The following RGS6 variants were observed in gnomAD, a reference collection of about 807,000 sequenced individuals.
The protein encoded by RGS6 is regulator of G protein signaling 6, also known as regulator of G-protein signaling 6.
In RGS6, 30 loss-of-function variants were observed where a neutral mutation model predicts 78.5. The observed-to-expected ratio is 0.38, with a 90% CI of 0.29 to 0.52. The LOEUF (loss-of-function observed/expected upper bound fraction) is 0.52. Ranked by LOEUF, RGS6 falls within the 20% of genes least tolerant of loss-of-function variation. The probability of loss-of-function intolerance (pLI) is 0.85; values close to 1 mark genes in which losing one functional copy is unlikely to be tolerated. For missense variants in RGS6, 495 were observed against 609.7 expected (o/e 0.81, Z 1.98); for synonymous variants, 206 against 206.0 (o/e 1.00, Z 0.00).
intron 3 of RGS6, among the ~76,000 whole-genome samples, chr14:72,424,513 G>A (rs2094348175): frequency 6.6e-6 from 1 of 152,034 alleles, no homozygotes. Flanking sequence ...TCTTAAAGGA[G>A]GTATAATTCT....
At chr14:72,416,835 T>G (rs1440466833) in intron 3 of RGS6, among the ~76,000 whole-genome samples, 3 of 152,240 alleles carry the variant, frequency 2.0e-5, no homozygotes, top group Non-Finnish European at 2.9e-5. Flanking sequence ...TATGTGATTT[T>G]GGGCCAGTTT....
At chr14:71,959,580 C>T (rs1376533810) in intron 1 of RGS6, among the ~76,000 whole-genome samples, 1 of 151,996 alleles carries the variant, frequency 6.6e-6, no homozygotes, top group South Asian at 2.1e-4. Flanking sequence ...ATTTCAGTGA[C>T]ATTGTAGGGT....
intron 2 of RGS6, among the ~76,000 whole-genome samples, chr14:72,264,281 T>G (rs940046589): frequency 2.6e-5 from 4 of 152,202 alleles, no homozygotes; most frequent in African/African-American, 9.7e-5. Context: ...AATTTAAAAC[T>G]TAAGAAACAT....
intron 2 of RGS6, among the ~76,000 whole-genome samples, chr14:72,331,569 T>G (rs1177185360): frequency 6.6e-6 from 1 of 152,176 alleles, no homozygotes. Flanking sequence ...CCAGGGTCCC[T>G]TTGAGACCGC....
the RGS6 span, among the ~76,000 whole-genome samples, chr14:72,600,836 G>A: frequency 2.0e-5 from 3 of 151,920 alleles, no homozygotes; most frequent in Non-Finnish European, 2.9e-5. Flanking sequence ...CTCCCCTGCC[G>A]CATCCCCACC....
In RGS6 at chr14:72,058,539, A is replaced by G. The variant is rs72737848; in HGVS notation, c.84+93664A>G. On this transcript the variant is annotated intron_variant, in intron 2 of 17. Transcript: ENST00000553525. ...TTTTTGTCTACTGTTATTTAAGAGT[A>G]TCATAAAACCTGAGAAAGAAAAACA... Among the ~76,000 whole-genome samples, 900 of 152,058 alleles carry G rather than the reference A, an allele frequency of 5.9e-3. 4 individuals carry two copies. Among genetic ancestry groups the G allele is most frequent in the Non-Finnish European group, 9.2e-3 (625 of 67,978 alleles).
chr14:72,104,516 G>A (rs898479960), intron 2 of RGS6, among the ~76,000 whole-genome samples: 3 of 152,126 alleles, frequency 2.0e-5, no homozygotes, highest in Non-Finnish European at 4.4e-5. Context: ...TAAAACTTCA[G>A]AATTTCAAAA....
At chr14:72,179,732 T>G (rs966470734) in intron 2 of RGS6, among the ~76,000 whole-genome samples, 1 of 147,908 alleles carries the variant, frequency 6.8e-6, no homozygotes, top group Admixed American at 7.0e-5. Flanking sequence ...AGTCAGCTCA[T>G]GTAACAGTGA....
the RGS6 span, among the ~76,000 whole-genome samples, chr14:71,878,670 C>G: frequency 6.6e-6 from 1 of 152,206 alleles, no homozygotes; most frequent in East Asian, 1.9e-4. Context: ...GGCTTATGGT[C>G]TGCAGGCTGC....
the RGS6 span, among the ~76,000 whole-genome samples, chr14:71,923,831 G>A: frequency 6.6e-6 from 1 of 152,126 alleles, no homozygotes; most frequent in African/African-American, 2.4e-5. Flanking sequence ...ACTTTTGTAG[G>A]GGGGTGGGGC....
chr14:72,029,745 G>T (rs2090533333), intron 2 of RGS6, among the ~76,000 whole-genome samples: 1 of 152,182 alleles, frequency 6.6e-6, no homozygotes, highest in African/African-American at 2.4e-5. Flanking sequence ...TAGAGGAAGG[G>T]CTTTGGATAA....
intron 2 of RGS6, among the ~76,000 whole-genome samples, chr14:72,343,647 T>C (rs189483872): frequency 1.8e-4 from 27 of 152,196 alleles, no homozygotes; most frequent in Admixed American, 7.2e-4. Flanking sequence ...TCGTATCTTC[T>C]TCCACTCAGC....
At chr14:72,339,092 A>T (rs945322747) in intron 2 of RGS6, among the ~76,000 whole-genome samples, 4 of 152,228 alleles carry the variant, frequency 2.6e-5, no homozygotes, top group African/African-American at 9.6e-5. Flanking sequence ...AAAGAAAAGA[A>T]TAAAAAGTAC....
At chr14:72,048,686 C>A (rs1035017238) in intron 2 of RGS6, among the ~76,000 whole-genome samples, 1 of 151,422 alleles carries the variant, frequency 6.6e-6, no homozygotes, top group Non-Finnish European at 1.5e-5. Flanking sequence ...TTTCTTTTTG[C>A]AGATTTTTTT....
intron 2 of RGS6, among the ~76,000 whole-genome samples, chr14:72,041,946 A>G (rs2092441733): frequency 1.3e-5 from 2 of 152,136 alleles, no homozygotes; most frequent in South Asian, 2.1e-4. Context: ...ATCTGTTTCT[A>G]TCACTAATGA....
At chr14:72,245,277 C>T (rs970137732) in intron 2 of RGS6, among the ~76,000 whole-genome samples, 6 of 152,064 alleles carry the variant, frequency 3.9e-5, no homozygotes, top group Admixed American at 6.5e-5. Context: ...CCTAACCCAG[C>T]GGTACTAGAG....
chr14:72,562,683 C>A lies in RGS6; in HGVS notation c.*216C>A. ...GAGCCTGGGCTGGGCCCGGTGGAGG[C>A]TCCTGTTTACAGCCCTCTCTTCTTT... On this transcript the variant is annotated 3_prime_UTR_variant, in exon 18 of 18. Transcript: ENST00000553525. 6.5e-7 allele frequency: 1 copy of A among 1,536,122 alleles called. No individual in the cohort carries two copies. The highest frequency in any genetic ancestry group is 1.4e-5 in the African/African-American group (1 of 73,150).
At chr14:72,526,646 T>C (rs991932953) in intron 15 of RGS6, among the ~76,000 whole-genome samples, 1 of 145,772 alleles carries the variant, frequency 6.9e-6, no homozygotes, top group African/African-American at 2.8e-5. Context: ...AACACAGGGC[T>C]CCCATGTCCT....
chr14:72,123,575 C>G (rs1449095935), intron 2 of RGS6, among the ~76,000 whole-genome samples: 1 of 152,164 alleles, frequency 6.6e-6, no homozygotes, highest in Non-Finnish European at 1.5e-5. Context: ...CATTGGAAAC[C>G]TGGTGTGGCA....
Sources: gnomAD v4.1 joint callset for allele counts (sites outside exome capture counted in the v4.1 genomes callset) on GRCh38, gnomAD v4.1.1 for gene constraint, MANE v1.5 for transcripts, NCBI Gene and HGNC (gene_info 2026-07-23, HGNC 2026-07-21) for gene names.